Variants in CEP112 observed in about 807,000 individuals in gnomAD.
CEP112 encodes centrosomal protein 112.
In CEP112, 127 loss-of-function variants were observed where a neutral mutation model predicts 153.0. The ratio of observed to expected loss-of-function variants is 0.83; its 90% CI spans 0.72 to 0.96. The LOEUF (loss-of-function observed/expected upper bound fraction) is 0.96. Among genes scored for constraint, CEP112 ranks in the 40% least tolerant of loss-of-function variants. The probability of loss-of-function intolerance (pLI) is 0.00; values close to 1 mark genes in which losing one functional copy is unlikely to be tolerated. For synonymous variants in CEP112, 358 were observed against 374.4 expected (o/e 0.96, Z 0.51); for missense variants, 1,089 against 1,101.2 (o/e 0.99, Z 0.16).
chr17:65,700,908 T>C (rs752412389), intron 23 of CEP112, among the ~76,000 whole-genome samples: 6 of 152,134 alleles, frequency 3.9e-5, no homozygotes, highest in Non-Finnish European at 7.3e-5. Flanking sequence ...AAAATACACC[T>C]GTAAGCTTCA....
At chr17:65,913,534 T>A in intron 19 of CEP112, 1 of 985,338 alleles carries the variant, frequency 1.0e-6, no homozygotes, top group Non-Finnish European at 1.2e-6. Context: ...AATGTGTCAT[T>A]TGGGGATGGC....
intron 21 of CEP112, among the ~76,000 whole-genome samples, chr17:65,838,091 TA>T (rs59684513): frequency 6.7e-6 from 1 of 150,342 alleles, no homozygotes; most frequent in Non-Finnish European, 1.5e-5. Context: ...CAATAAATAC[TA>T]AAAAAATTAA....
intron 18 of CEP112, among the ~76,000 whole-genome samples, chr17:65,937,611 G>A (rs1271913870): frequency 9.5e-6 from 1 of 105,140 alleles, no homozygotes; most frequent in Non-Finnish European, 2.0e-5. Context: ...CGTCCGGGAG[G>A]GAGGTGGGGG....
In CEP112 at chr17:66,028,378, G is replaced by A; in HGVS notation, c.1531C>T (p.Gln511Ter). The change falls in exon 15 of 27, where the codon CAG becomes TAG. Residue 511 changes from glutamine (Q) to a stop codon, truncating the protein, a stop_gained. Transcript: ENST00000535342. LOFTEE classifies it high-confidence loss of function. ...TGCTGTTTTAATTGACAGACATTCT[G>A]CTCTAATTCTTCAATCATACTAGAT... ...KASSMIEELE[Q>*]NVCQLKQQLQ... 1 of 1,595,672 alleles carries A rather than the reference G, an allele frequency of 6.3e-7. No homozygotes were observed. Among genetic ancestry groups the A allele is most frequent in the Non-Finnish European group, 8.6e-7 (1 of 1,169,418 alleles).
intron 21 of CEP112, among the ~76,000 whole-genome samples, chr17:65,821,515 TATATATATATATATATATATATA>T (rs1406708674): frequency 0.014 from 414 of 28,714 alleles, 8 homozygotes; most frequent in Non-Finnish European, 0.02. Flanking sequence ...TATATATAAT[TATATATATATATATATATATATA>T]TATTTTTTTT....
intron 20 of CEP112, among the ~76,000 whole-genome samples, chr17:65,870,218 G>GT (rs1477832286): frequency 6.6e-6 from 1 of 152,054 alleles, no homozygotes; most frequent in African/African-American, 2.4e-5. Flanking sequence ...GGCTACATTT[G>GT]TTTTTTTGTG....
At chr17:66,159,034 C>A (rs1000541136) in intron 4 of CEP112, among the ~76,000 whole-genome samples, 1 of 152,176 alleles carries the variant, frequency 6.6e-6, no homozygotes, top group South Asian at 2.1e-4. Context: ...ACTGATCACA[C>A]AGAAATACAA....
At chr17:66,183,442 TC>T (rs2072800203) in intron 1 of CEP112, 135 bp from the exon 2 acceptor site, 1 of 529,620 alleles carries the variant, frequency 1.9e-6, no homozygotes, top group African/African-American at 1.9e-5. Flanking sequence ...TTAATGCAAC[TC>T]CCATCAAAAC....
At chr17:65,889,904 C>A (rs2059404440) in intron 20 of CEP112, among the ~76,000 whole-genome samples, 1 of 152,084 alleles carries the variant, frequency 6.6e-6, no homozygotes, top group Non-Finnish European at 1.5e-5. Context: ...GTCTCACTGC[C>A]TGCTAATTCT....
chr17:66,034,494 G>A (rs1299107184), intron 12 of CEP112, among the ~76,000 whole-genome samples: 1 of 151,988 alleles, frequency 6.6e-6, no homozygotes, highest in South Asian at 2.1e-4. Context: ...CAAGGCAAAG[G>A]GGGTTGAATT....
At chr17:66,039,282 G>A (rs530635116) in intron 12 of CEP112, among the ~76,000 whole-genome samples, 10 of 152,222 alleles carry the variant, frequency 6.6e-5, no homozygotes, top group African/African-American at 2.4e-4. Flanking sequence ...AGATATAAAT[G>A]TTGGAGTTTT....
At chr17:65,920,359 C>CAAACAAAAAAAAA (rs1178505560) in intron 19 of CEP112, among the ~76,000 whole-genome samples, 3 of 29,830 alleles carry the variant, frequency 1.0e-4, no homozygotes, top group African/African-American at 3.9e-4. Flanking sequence ...AACAAACAAA[C>CAAACAAAAAAAAA]AAAATATATA....
intron 23 of CEP112, among the ~76,000 whole-genome samples, chr17:65,690,512 T>C (rs2048057549): frequency 6.6e-6 from 1 of 150,398 alleles, no homozygotes; most frequent in African/African-American, 2.5e-5. Context: ...ACAGTAAGTG[T>C]ATTATATAAC....
At chr17:65,723,843 T>C (rs561315762) in intron 23 of CEP112, among the ~76,000 whole-genome samples, 42 of 152,298 alleles carry the variant, frequency 2.8e-4, no homozygotes, top group Admixed American at 1.0e-3. Flanking sequence ...AGCTCTCGAG[T>C]CTAATTTATT....
chr17:66,086,380 C>CTTTTCTTTTTTTT (rs2067931452), intron 8 of CEP112, among the ~76,000 whole-genome samples: 1 of 67,060 alleles, frequency 1.5e-5, no homozygotes, highest in African/African-American at 6.4e-5. Context: ...ATTTTCTTTT[C>CTTTTCTTTTTTTT]TTTTTTTTTT....
chr17:65,971,165 ATG>A (rs2144969280), intron 17 of CEP112, among the ~76,000 whole-genome samples: 1 of 54,994 alleles, frequency 1.8e-5, no homozygotes, highest in East Asian at 8.6e-3. Context: ...TGTACATTAC[ATG>A]TACAGCACAT....
chr17:65,921,962 C>T (rs781215010), intron 19 of CEP112, among the ~76,000 whole-genome samples: 1 of 151,930 alleles, frequency 6.6e-6, no homozygotes, highest in Non-Finnish European at 1.5e-5. Context: ...AAGAATTCAC[C>T]ATGATTCCAT....
chr17:65,683,118 C>T (rs529895568), intron 24 of CEP112, among the ~76,000 whole-genome samples: 8 of 152,204 alleles, frequency 5.3e-5, no homozygotes, highest in African/African-American at 1.7e-4. Context: ...TCTCCCTGTG[C>T]CTTGGTGAGG....
intron 21 of CEP112, among the ~76,000 whole-genome samples, chr17:65,795,014 C>A (rs558533285): frequency 6.6e-6 from 1 of 152,276 alleles, no homozygotes; most frequent in Non-Finnish European, 1.5e-5. Context: ...GTTGAAAGAA[C>A]GAATAAACTA....
Sources: allele counts gnomAD v4.1 joint callset (sites outside exome capture counted in the v4.1 genomes callset), GRCh38; gene constraint gnomAD v4.1.1; transcripts MANE v1.5; gene names NCBI Gene and HGNC (gene_info 2026-07-23, HGNC 2026-07-21).